The following NCALD variants were observed in gnomAD, a reference collection of about 807,000 sequenced individuals.
NCALD encodes the protein neurocalcin-delta.
NCALD carries 10 observed loss-of-function variants against 18.6 expected under a neutral mutation model. The observed-to-expected ratio is 0.54, with a 90% CI of 0.33 to 0.91. The LOEUF (loss-of-function observed/expected upper bound fraction) is 0.91, where lower values mean the gene tolerates loss of function less well. Ranked by LOEUF, NCALD falls within the 40% of genes least tolerant of loss-of-function variation. NCALD has a pLI of 0.03. For synonymous variants in NCALD, 88 were observed against 87.4 expected (o/e 1.01, Z -0.04); for missense variants, 184 against 247.6 (o/e 0.74, Z 1.72).
At chr8:101,930,283 A>G (rs1216148987) in intron 2 of NCALD, among the ~76,000 whole-genome samples, 1 of 152,002 alleles carries the variant, frequency 6.6e-6, no homozygotes, top group Admixed American at 6.6e-5. Context: ...CCCAAACAAA[A>G]TGTATCCCCA....
chr8:101,880,036 C>T (rs557045851), intron 4 of NCALD, among the ~76,000 whole-genome samples: 35 of 127,822 alleles, frequency 2.7e-4, no homozygotes, highest in African/African-American at 9.4e-4. Flanking sequence ...CAGAGGGCTG[C>T]GCTAGTCTGG....
intron 4 of NCALD, among the ~76,000 whole-genome samples, chr8:101,882,433 C>A (rs962274759): frequency 2.0e-5 from 3 of 152,154 alleles, no homozygotes; most frequent in Non-Finnish European, 4.4e-5. Context: ...CATCTACGAA[C>A]CAGGAAATAG....
At chr8:102,039,170 T>G (rs1324634179) in intron 1 of NCALD, among the ~76,000 whole-genome samples, 3 of 152,246 alleles carry the variant, frequency 2.0e-5, no homozygotes, top group African/African-American at 7.2e-5. Flanking sequence ...CTGGTGAGAC[T>G]CTCAGCAGAG....
intron 2 of NCALD, among the ~76,000 whole-genome samples, chr8:101,993,592 T>C (rs1394590085): frequency 2.0e-5 from 3 of 152,180 alleles, no homozygotes; most frequent in African/African-American, 7.2e-5. Context: ...TGGCACAGAA[T>C]GGGGAAGGGT....
At chr8:101,995,796 A>C (rs1015215225) in intron 2 of NCALD, among the ~76,000 whole-genome samples, 3 of 152,194 alleles carry the variant, frequency 2.0e-5, no homozygotes, top group African/African-American at 7.2e-5. Flanking sequence ...AGACAAACTG[A>C]TCTACCTATA....
intron 3 of NCALD, among the ~76,000 whole-genome samples, chr8:101,903,772 T>C (rs977956374): frequency 6.6e-6 from 1 of 152,198 alleles, no homozygotes; most frequent in African/African-American, 2.4e-5. Flanking sequence ...GCTGTTTTCT[T>C]CCTCAGTCTC....
intron 2 of NCALD, among the ~76,000 whole-genome samples, chr8:101,944,219 C>A (rs1819078291): frequency 6.6e-6 from 1 of 152,304 alleles, no homozygotes; most frequent in South Asian, 2.1e-4. Context: ...GTCTTTGTCA[C>A]GGGCAAGTCC....
chr8:101,949,484 T>G (rs1302871158), intron 2 of NCALD, among the ~76,000 whole-genome samples: 1 of 152,108 alleles, frequency 6.6e-6, no homozygotes, highest in East Asian at 1.9e-4. Context: ...ACATATCTGG[T>G]ACTGTTAGAG....
intron 4 of NCALD, among the ~76,000 whole-genome samples, chr8:101,848,966 C>T (rs144829920): frequency 0.024 from 3,645 of 152,158 alleles, 180 homozygotes; most frequent in African/African-American, 0.083. Context: ...AACCCAAATG[C>T]CCATCAATGA....
intron 1 of NCALD, among the ~76,000 whole-genome samples, chr8:102,044,275 A>G (rs1036629963): frequency 1.3e-5 from 2 of 152,060 alleles, no homozygotes; most frequent in Admixed American, 1.3e-4. Context: ...TTTATGAATA[A>G]GCAAATAAAA....
chr8:101,963,348 C>A (rs1196348640), intron 2 of NCALD, among the ~76,000 whole-genome samples: 1 of 152,006 alleles, frequency 6.6e-6, no homozygotes, highest in African/African-American at 2.4e-5. Flanking sequence ...TTTTGACTTC[C>A]TCTCATCTCA....
At chr8:101,742,919 T>A (rs1468884293) in intron 1 of NCALD, among the ~76,000 whole-genome samples, 1 of 152,082 alleles carries the variant, frequency 6.6e-6, no homozygotes, top group Non-Finnish European at 1.5e-5. Context: ...TTAGAACATG[T>A]GGTGTTTGGT....
intron 2 of NCALD, among the ~76,000 whole-genome samples, chr8:101,943,597 G>A (rs187932485): frequency 7.2e-5 from 11 of 152,304 alleles, no homozygotes; most frequent in African/African-American, 1.7e-4. Context: ...GAGGCATCAC[G>A]TTAAGAAGAC....
intron 4 of NCALD, among the ~76,000 whole-genome samples, chr8:101,843,852 G>A (rs2131301101): frequency 6.6e-6 from 1 of 152,192 alleles, no homozygotes; most frequent in Admixed American, 6.5e-5. Flanking sequence ...AAAGTGCTGG[G>A]ATTACAGGCG....
chr8:101,882,583 G>A (rs1816530955), intron 4 of NCALD, among the ~76,000 whole-genome samples: 1 of 152,202 alleles, frequency 6.6e-6, no homozygotes, highest in African/African-American at 2.4e-5. Flanking sequence ...GACTAAGACA[G>A]CATATGTAGA....
At chr8:101,724,523 T>A (rs1816491979) in intron 1 of NCALD, among the ~76,000 whole-genome samples, 1 of 152,238 alleles carries the variant, frequency 6.6e-6, no homozygotes, top group Non-Finnish European at 1.5e-5. Flanking sequence ...TAAAATGAGT[T>A]TAATGATATG....
intron 1 of NCALD, among the ~76,000 whole-genome samples, chr8:101,739,277 C>A (rs76358068): frequency 0.016 from 2,375 of 152,044 alleles, 65 homozygotes; most frequent in African/African-American, 0.052. Flanking sequence ...CCTCTCTTAC[C>A]CCCCCAGTTA....
At chr8:102,093,839 T>G (rs932679650) in intron 1 of NCALD, among the ~76,000 whole-genome samples, 2 of 151,676 alleles carry the variant, frequency 1.3e-5, no homozygotes, top group Admixed American at 1.3e-4. Flanking sequence ...CACCCTGCAA[T>G]CAAACACAAT....
At chr8:101,959,337 G>T (rs1294831795) in intron 2 of NCALD, among the ~76,000 whole-genome samples, 1 of 152,030 alleles carries the variant, frequency 6.6e-6, no homozygotes, top group East Asian at 1.9e-4. Context: ...CTTCTATCTG[G>T]ACTTTGCAGG....
Sources: allele counts gnomAD v4.1 joint callset (sites outside exome capture counted in the v4.1 genomes callset), GRCh38; gene constraint gnomAD v4.1.1; transcripts MANE v1.5; gene names NCBI Gene and HGNC (gene_info 2026-07-23, HGNC 2026-07-21).